FHOD3: variants seen among roughly 807,000 people sequenced by gnomAD.
The protein encoded by FHOD3 is FH1/FH2 domain-containing protein 3.
Under a neutral mutation model 173.0 loss-of-function variants are expected in FHOD3, and 90 were observed. That is an observed-to-expected ratio of 0.52 (90% CI 0.44 to 0.62). FHOD3 has a LOEUF of 0.62. FHOD3 is among the 20% of genes least tolerant of loss of function. The probability of loss-of-function intolerance (pLI) is 0.00; values close to 1 mark genes in which losing one functional copy is unlikely to be tolerated. For synonymous variants in FHOD3, 828 were observed against 823.0 expected (o/e 1.01, Z -0.10); for missense variants, 1,945 against 2,034.7 (o/e 0.96, Z 0.85).
At chr18:36,307,364 T>G (rs1181479124) in intron 1 of FHOD3, among the ~76,000 whole-genome samples, 1 of 152,140 alleles carries the variant, frequency 6.6e-6, no homozygotes, top group African/African-American at 2.4e-5. Flanking sequence ...GAAAATTAAT[T>G]GGTTGTGCCC....
At chr18:36,467,967 G>A (rs1411701182) in intron 3 of FHOD3, among the ~76,000 whole-genome samples, 1 of 152,256 alleles carries the variant, frequency 6.6e-6, no homozygotes, top group Non-Finnish European at 1.5e-5. Context: ...AAGCCCAAAT[G>A]ATTTGCACAG....
At chr18:36,536,272 ACTGT>A (rs2056986811) in intron 5 of FHOD3, among the ~76,000 whole-genome samples, 1 of 152,200 alleles carries the variant, frequency 6.6e-6, no homozygotes, top group Non-Finnish European at 1.5e-5. Context: ...GGCCAAGGTA[ACTGT>A]CTGGTCTTAT....
At chr18:36,393,236 T>A (rs2048385929) in intron 3 of FHOD3, among the ~76,000 whole-genome samples, 1 of 152,246 alleles carries the variant, frequency 6.6e-6, no homozygotes, top group Non-Finnish European at 1.5e-5. Context: ...ATGATGGATC[T>A]GAATCTGGTG....
At chr18:36,675,472 A>G (rs2037793801) in intron 14 of FHOD3, among the ~76,000 whole-genome samples, 1 of 151,978 alleles carries the variant, frequency 6.6e-6, no homozygotes, top group African/African-American at 2.4e-5. Flanking sequence ...TCTCAAATGC[A>G]CAATCTCTCT....
chr18:36,702,711 A>G (rs1308038573), intron 17 of FHOD3, among the ~76,000 whole-genome samples: 1 of 152,220 alleles, frequency 6.6e-6, no homozygotes, highest in African/African-American at 2.4e-5. Flanking sequence ...TATCACTTCA[A>G]AGAAAAATTG....
At chr18:36,721,347 T>G (rs2040777666) in intron 19 of FHOD3, among the ~76,000 whole-genome samples, 1 of 152,172 alleles carries the variant, frequency 6.6e-6, no homozygotes, top group Non-Finnish European at 1.5e-5. Context: ...TTAAAACACG[T>G]CACTGTGTTT....
chr18:36,721,727 C>T (rs2040803352), intron 19 of FHOD3, among the ~76,000 whole-genome samples: 2 of 152,168 alleles, frequency 1.3e-5, no homozygotes, highest in African/African-American at 4.8e-5. Flanking sequence ...GTAGATATAA[C>T]CAATTTCATT....
At chr18:36,529,473 G>T (rs1382057354) in intron 5 of FHOD3, among the ~76,000 whole-genome samples, 4 of 152,122 alleles carry the variant, frequency 2.6e-5, no homozygotes, top group South Asian at 4.1e-4. Context: ...AAACCTAAAT[G>T]GGCATAGGGT....
intron 8 of FHOD3, among the ~76,000 whole-genome samples, chr18:36,611,195 A>G (rs111776522): frequency 4.6e-5 from 7 of 152,336 alleles, no homozygotes; most frequent in African/African-American, 1.4e-4. Context: ...TTACAACTCC[A>G]GTTGTTGGTG....
At position 36,354,369 on chromosome 18, in the gene FHOD3, G is replaced by A. The variant is rs563961632; in HGVS notation, c.166-1170G>A. Among the ~76,000 whole-genome samples, 82 of 152,254 alleles carry A rather than the reference G, an allele frequency of 5.4e-4. 1 individual carries two copies. Among genetic ancestry groups the A allele is most frequent in the African/African-American group, 1.9e-3 (79 of 41,534 alleles). ...GCCTCACAGTCCTCATCTGTAAAAT[G>A]AGGAGGACTCATTTTACAGAGTCCT... On this transcript the variant is annotated intron_variant, in intron 1 of 28. Transcript: ENST00000590592.
chr18:36,554,963 T>A (rs1410989902), intron 5 of FHOD3, among the ~76,000 whole-genome samples: 1 of 152,198 alleles, frequency 6.6e-6, no homozygotes, highest in African/African-American at 2.4e-5. Context: ...TTTATTAATC[T>A]GGCTAGATAT....
At chr18:36,651,750 CAA>C (rs34364328) in intron 11 of FHOD3, among the ~76,000 whole-genome samples, 26 of 141,108 alleles carry the variant, frequency 1.8e-4, no homozygotes, top group African/African-American at 4.3e-4. Flanking sequence ...AAACTCTGCT[CAA>C]AAAAAAAAAA....
intron 18 of FHOD3, chr18:36,711,145 T>C (rs1192820115): frequency 6.6e-6 from 1 of 152,216 alleles, no homozygotes; most frequent in Non-Finnish European, 1.5e-5. Context: ...TTCAGTGCTG[T>C]TATGAGAGTT....
intron 5 of FHOD3, among the ~76,000 whole-genome samples, chr18:36,530,077 G>A (rs756011995): frequency 6.6e-6 from 1 of 152,168 alleles, no homozygotes; most frequent in Non-Finnish European, 1.5e-5. Context: ...ATTTACATTC[G>A]AGGTGGAAGA....
intron 1 of FHOD3, among the ~76,000 whole-genome samples, chr18:36,320,754 A>C (rs1224491370): frequency 6.6e-6 from 1 of 152,214 alleles, no homozygotes; most frequent in African/African-American, 2.4e-5. Flanking sequence ...CTCAAAGTGC[A>C]TTGCACCTGA....
At chr18:36,396,352 A>AC (rs2048554484) in intron 3 of FHOD3, among the ~76,000 whole-genome samples, 1 of 151,882 alleles carries the variant, frequency 6.6e-6, no homozygotes, top group Admixed American at 6.6e-5. Context: ...TGTTTCAGGG[A>AC]CCCCTGTTAG....
chr18:36,730,992 C>T (rs2041329166), intron 20 of FHOD3, among the ~76,000 whole-genome samples, 188 bp downstream of exon 20: 1 of 152,140 alleles, frequency 6.6e-6, no homozygotes, highest in Non-Finnish European at 1.5e-5. Flanking sequence ...CTATGAAGTT[C>T]AGCAATCTTC....
At chr18:36,551,261 T>C (rs572787579) in intron 5 of FHOD3, among the ~76,000 whole-genome samples, 240 of 152,286 alleles carry the variant, frequency 1.6e-3, no homozygotes, top group African/African-American at 3.8e-3. Flanking sequence ...TTCCTTTTAA[T>C]ATATTGTTGG....
At chr18:36,586,538 G>A (rs904962147) in intron 6 of FHOD3, among the ~76,000 whole-genome samples, 1 of 151,480 alleles carries the variant, frequency 6.6e-6, no homozygotes, top group Admixed American at 6.6e-5. Context: ...AGGCTGGAGT[G>A]CAGTGGCACG....
Sources: allele counts gnomAD v4.1 joint callset (sites outside exome capture counted in the v4.1 genomes callset), GRCh38; gene constraint gnomAD v4.1.1; transcripts MANE v1.5; gene names NCBI Gene and HGNC (gene_info 2026-07-23, HGNC 2026-07-21).